The following VMP1 variants were observed in gnomAD, a reference collection of about 807,000 sequenced individuals.
VMP1 encodes the protein vacuole membrane protein 1.
In VMP1, 11 loss-of-function variants were observed where a neutral mutation model predicts 56.0. That is an observed-to-expected ratio of 0.20 (90% CI 0.12 to 0.32). The LOEUF (loss-of-function observed/expected upper bound fraction) is 0.32, where lower values mean the gene tolerates loss of function less well. Ranked by LOEUF, VMP1 falls within the 10% of genes least tolerant of loss-of-function variation. The probability of loss-of-function intolerance (pLI) is 1.00; values close to 1 mark genes in which losing one functional copy is unlikely to be tolerated. For missense variants in VMP1, 296 were observed against 490.3 expected (o/e 0.60, Z 3.74); for synonymous variants, 149 against 165.0 (o/e 0.90, Z 0.74).
intron 3 of VMP1, among the ~76,000 whole-genome samples, chr17:59,736,739 G>A (rs1391623350): frequency 2.0e-5 from 3 of 150,512 alleles, no homozygotes; most frequent in African/African-American, 7.3e-5. Flanking sequence ...GCAAGACCCT[G>A]TCTCTGAAAA....
intron 7 of VMP1, among the ~76,000 whole-genome samples, chr17:59,799,170 T>G (rs2037550987): frequency 6.6e-6 from 1 of 152,360 alleles, no homozygotes; most frequent in South Asian, 2.1e-4. Flanking sequence ...TTGATAGATA[T>G]GAGAACTTAT....
At chr17:59,796,060 G>C (rs2037429015) in intron 7 of VMP1, among the ~76,000 whole-genome samples, 1 of 151,920 alleles carries the variant, frequency 6.6e-6, no homozygotes, top group Admixed American at 6.6e-5. Context: ...TCTTGTTTTT[G>C]CTCTCTCTTG....
chr17:59,773,987 GTA>G, intron 7 of VMP1, 102 bp downstream of exon 7: 1 of 715,676 alleles, frequency 1.4e-6, no homozygotes, highest in South Asian at 5.1e-5. Context: ...AACTGCTAAA[GTA>G]AAAAAAAAAA....
At chr17:59,773,436 T>A (rs2036510803) in intron 6 of VMP1, among the ~76,000 whole-genome samples, 1 of 151,094 alleles carries the variant, frequency 6.6e-6, no homozygotes, top group African/African-American at 2.4e-5. Context: ...AATCTCAGAA[T>A]GTTGCCCAGG....
chr17:59,769,186 G>A (rs2036342058), intron 6 of VMP1, among the ~76,000 whole-genome samples: 1 of 143,692 alleles, frequency 7.0e-6, no homozygotes, highest in African/African-American at 2.6e-5. Context: ...ACAGAGTTTC[G>A]CTCTTGTTGC....
At chr17:59,807,871 G>T (rs1389994281) in intron 7 of VMP1, among the ~76,000 whole-genome samples, 1 of 150,356 alleles carries the variant, frequency 6.7e-6, no homozygotes. Context: ...ACTAAAGAGA[G>T]TGGAAGAGGT....
chr17:59,784,823 G>A (rs910240182), intron 7 of VMP1: 2 of 152,098 alleles, frequency 1.3e-5, no homozygotes, highest in African/African-American at 2.4e-5. Context: ...GTCATCTGAA[G>A]ATAATATAAA....
chr17:59,766,864 C>T (rs2036249380), intron 6 of VMP1, among the ~76,000 whole-genome samples: 1 of 152,028 alleles, frequency 6.6e-6, no homozygotes, highest in Admixed American at 6.6e-5. Flanking sequence ...ACTGCAACCT[C>T]TGTCTCCCAG....
At chr17:59,755,838 G>T (rs552760438) in intron 5 of VMP1, among the ~76,000 whole-genome samples, 3 of 150,586 alleles carry the variant, frequency 2.0e-5, no homozygotes, top group Non-Finnish European at 4.4e-5. Context: ...TCCTGGGCTC[G>T]AGTGGTCCTC....
Position 59,774,667 on chromosome 17 carries a change from CCTTTT to C in VMP1, c.714+787_714+791del, listed in dbSNP as rs571373260. On this transcript the variant is annotated intron_variant, in intron 7 of 11. Coordinates refer to ENST00000262291, the MANE Select transcript of VMP1 (RefSeq NM_030938.5). ...CTTTTTCTTTCTTTGCTTCTTTCTT[CCTTTT>C]CTTTGTTTTGTTTTGTTAGTTTGTT... Among the ~76,000 whole-genome samples, 768 of 152,146 alleles carry C rather than the reference CCTTTT, an allele frequency of 5.0e-3. 7 individuals are homozygous for C. The highest frequency in any genetic ancestry group is 0.018 in the African/African-American group (734 of 41,508).
intron 1 of VMP1, among the ~76,000 whole-genome samples, chr17:59,714,380 A>C (rs2034067069): frequency 6.6e-6 from 1 of 152,122 alleles, no homozygotes; most frequent in Non-Finnish European, 1.5e-5. Flanking sequence ...ATAAGGGCAG[A>C]GCCTCCGTGA....
intron 8 of VMP1, among the ~76,000 whole-genome samples, chr17:59,810,346 G>C (rs1212758111): frequency 6.6e-6 from 1 of 152,040 alleles, no homozygotes; most frequent in Admixed American, 6.6e-5. Context: ...TAGAGACAAG[G>C]TTTCACCATG....
At chr17:59,725,261 A>G (rs1240298199) in intron 1 of VMP1, among the ~76,000 whole-genome samples, 1 of 152,210 alleles carries the variant, frequency 6.6e-6, no homozygotes, top group African/African-American at 2.4e-5. Context: ...GATTTTCTTC[A>G]GTTATGTTCA....
chr17:59,790,290 G>A (rs1237524552), intron 7 of VMP1, among the ~76,000 whole-genome samples: 1 of 152,144 alleles, frequency 6.6e-6, no homozygotes, highest in Non-Finnish European at 1.5e-5. Flanking sequence ...AAAGAAATGG[G>A]CATGATAATT....
chr17:59,760,731 CT>C (rs2036020769), intron 5 of VMP1, among the ~76,000 whole-genome samples: 1 of 152,204 alleles, frequency 6.6e-6, no homozygotes, highest in Non-Finnish European at 1.5e-5. Context: ...AGCCATTCCC[CT>C]GCCTCAGCCT....
chr17:59,806,904 T>C (rs2037860435), intron 7 of VMP1, among the ~76,000 whole-genome samples: 1 of 152,120 alleles, frequency 6.6e-6, no homozygotes, highest in Non-Finnish European at 1.5e-5. Context: ...TTATATTGAC[T>C]GATCATATTT....
intron 1 of VMP1, among the ~76,000 whole-genome samples, chr17:59,724,639 G>A (rs1250078898): frequency 1.3e-5 from 2 of 150,880 alleles, no homozygotes; most frequent in Non-Finnish European, 3.0e-5. Flanking sequence ...GCTATTGCAC[G>A]CCAGCCTTCG....
At chr17:59,805,477 A>G (rs2037814236) in intron 7 of VMP1, among the ~76,000 whole-genome samples, 1 of 152,046 alleles carries the variant, frequency 6.6e-6, no homozygotes, top group African/African-American at 2.4e-5. Flanking sequence ...CTTTATATAA[A>G]CCAGTTGGTA....
At chr17:59,786,313 TACTC>T (rs1399512936) in intron 7 of VMP1, among the ~76,000 whole-genome samples, 2 of 152,236 alleles carry the variant, frequency 1.3e-5, no homozygotes, top group Non-Finnish European at 2.9e-5. Flanking sequence ...ATTATTTAAA[TACTC>T]ACGAAAGTGC....
Sources: allele counts gnomAD v4.1 joint callset (sites outside exome capture counted in the v4.1 genomes callset), GRCh38; gene constraint gnomAD v4.1.1; transcripts MANE v1.5; gene names NCBI Gene and HGNC (gene_info 2026-07-23, HGNC 2026-07-21).